FAM168B: variants seen among roughly 807,000 people sequenced by gnomAD.
FAM168B encodes myelin-associated neurite-outgrowth inhibitor.
In FAM168B, 19 loss-of-function variants were observed where a neutral mutation model predicts 21.8. That is an observed-to-expected ratio of 0.87 (90% confidence interval 0.61 to 1.28). FAM168B has a LOEUF of 1.28. Among genes scored for constraint, FAM168B ranks in the 50% most tolerant of loss-of-function variants. FAM168B has a pLI of 0.00. For missense variants in FAM168B, 233 were observed against 263.1 expected (o/e 0.89, Z 0.79); for synonymous variants, 126 against 104.8 (o/e 1.20, Z -1.24).
chr2:131,093,027 T>C (rs988794876), intron 1 of FAM168B, among the ~76,000 whole-genome samples, 187 bp downstream of exon 1: 5 of 151,360 alleles, frequency 3.3e-5, no homozygotes, highest in African/African-American at 7.3e-5. Flanking sequence ...CACGCGTACG[T>C]GTCCGGCCGA....
chr2:131,052,036 T>G lies in FAM168B; in HGVS notation c.*429A>C. ...CTTTAACACTTATAACTGTAAGACT[T>G]TGCATACATTACAACAGTGCATTAG... On this transcript the variant is annotated 3_prime_UTR_variant, in exon 7 of 7. Coordinates refer to ENST00000389915, the MANE Select transcript of FAM168B (RefSeq NM_001009993.4). 1 of 985,740 alleles carries G rather than the reference T, an allele frequency of 1.0e-6. No homozygotes were observed. Among genetic ancestry groups the G allele is most frequent in the Non-Finnish European group, 1.2e-6 (1 of 829,924 alleles). The allele number at this position is 985,740 out of a possible 1,614,324, so 61.1% of individuals were successfully genotyped here.
At chr2:131,086,692 C>T (rs893311481) in intron 1 of FAM168B, among the ~76,000 whole-genome samples, 1 of 152,146 alleles carries the variant, frequency 6.6e-6, no homozygotes, top group Non-Finnish European at 1.5e-5. Flanking sequence ...TGACAGCCAT[C>T]GTATTGGACA....
intron 2 of FAM168B, among the ~76,000 whole-genome samples, chr2:131,080,949 C>T (rs180777416): frequency 6.6e-6 from 1 of 152,192 alleles, no homozygotes; most frequent in East Asian, 2.0e-4. Flanking sequence ...GGATTACAGG[C>T]ATGAGCCACT....
chr2:131,085,303 A>T (rs913644607), intron 1 of FAM168B, among the ~76,000 whole-genome samples: 16 of 152,168 alleles, frequency 1.1e-4, no homozygotes, highest in Non-Finnish European at 1.9e-4. Context: ...TGTAATAAGT[A>T]ACAAAACACA....
intron 1 of FAM168B, among the ~76,000 whole-genome samples, chr2:131,087,502 A>G (rs1300525614): frequency 2.0e-5 from 3 of 152,236 alleles, no homozygotes; most frequent in Non-Finnish European, 4.4e-5. Flanking sequence ...ATTAAAGGGC[A>G]GCATTTCCAA....
intron 2 of FAM168B, among the ~76,000 whole-genome samples, chr2:131,074,264 G>A (rs1401971170): frequency 2.0e-5 from 3 of 152,108 alleles, no homozygotes; most frequent in Non-Finnish European, 2.9e-5. Context: ...AAGTAGCTGG[G>A]ATTTCGGGCA....
intron 2 of FAM168B, among the ~76,000 whole-genome samples, chr2:131,081,998 A>G (rs1173924149): frequency 2.0e-5 from 3 of 152,228 alleles, no homozygotes; most frequent in Admixed American, 2.0e-4. Context: ...ACCGAAGGGA[A>G]CAACCATTTG....
intron 3 of FAM168B, among the ~76,000 whole-genome samples, chr2:131,066,860 T>C (rs1445121351): frequency 6.6e-6 from 1 of 152,186 alleles, no homozygotes; most frequent in African/African-American, 2.4e-5. Context: ...TATTAGTTCA[T>C]TCTCATACTA....
At chr2:131,082,757 G>A (rs1693484393) in intron 1 of FAM168B, 100 bp from the exon 2 acceptor site, 3 of 703,690 alleles carry the variant, frequency 4.3e-6, no homozygotes, top group Admixed American at 3.0e-5. Flanking sequence ...CTTTCTCTAG[G>A]CTGCTATAAA....
chr2:131,050,334 T>C lies in FAM168B; in HGVS notation c.*2131A>G. On this transcript the variant is annotated 3_prime_UTR_variant, in exon 7 of 7. Transcript: ENST00000389915. ...TTGTGAGTATTTTATCCTAATCTAT[T>C]AGCACTCAATTGGGAAAAAAGACTT... 1.0e-6 allele frequency: 1 copy of C among 985,550 alleles called. No homozygotes were observed. The highest frequency in any genetic ancestry group is 1.2e-6 in the Non-Finnish European group (1 of 829,948). The allele number at this position is 985,550 out of a possible 1,614,324, so 61.1% of individuals were successfully genotyped here.
chr2:131,087,799 T>C (rs957983600), intron 1 of FAM168B, among the ~76,000 whole-genome samples: 1 of 152,098 alleles, frequency 6.6e-6, no homozygotes, highest in African/African-American at 2.4e-5. Context: ...CCAAGAGAAG[T>C]GAAAACACAT....
chr2:131,055,199 G>A, intron 5 of FAM168B, 73 bp downstream of exon 5: 1 of 1,359,298 alleles, frequency 7.4e-7, no homozygotes, highest in Non-Finnish European at 9.6e-7. Flanking sequence ...AAGGGTCAGA[G>A]GATTCGTGAG....
chr2:131,055,506 C>G (rs773206134), intron 4 of FAM168B, 47 bp downstream of exon 4: 1 of 1,599,128 alleles, frequency 6.3e-7, no homozygotes, highest in Non-Finnish European at 8.5e-7. Flanking sequence ...GATGAACGCC[C>G]AGGTGGTATC....
chr2:131,053,026 G>A lies in FAM168B; in HGVS notation c.476-11C>T, dbSNP rs942157086. On this transcript the variant is annotated splice_polypyrimidine_tract_variant and intron_variant, in intron 5 of 6. Transcript: ENST00000389915. Reference sequence around the variant, plus strand: ...CAGTCAGCAGGGTACCTGGAAGAAAGAGCAGCACATGACATGAGGCTGACC... The same window carrying A: ...CAGTCAGCAGGGTACCTGGAAGAAAAAGCAGCACATGACATGAGGCTGACC... 6.5e-6 allele frequency: 10 copies of A among 1,546,138 alleles called. No individual in the cohort carries two copies. The Admixed American group carries it at 1.2e-4, about 19-fold the overall frequency.
Position 131,055,715 on chromosome 2 carries a change from G to A in FAM168B, c.155-20C>T, listed in dbSNP as rs749546990. 1.9e-6 allele frequency: 3 copies of A among 1,611,758 alleles called. No individual in the cohort carries two copies. In the African/African-American group the frequency reaches 4.0e-5, roughly 22 times the overall value. On this transcript the variant is annotated intron_variant, in intron 3 of 6. Transcript: ENST00000389915. ...TGTAACCTGGAACAAAGAAGGCAAT[G>A]GCCTGAGTTCACCCAAGCCGGTCCA...
Position 131,049,004 on chromosome 2 carries a change from G to C in FAM168B, c.*3461C>G, listed in dbSNP as rs138951348. The C allele has an allele frequency of 6.2e-4, 613 of 985,572 alleles. 2 individuals are homozygous for C. In the African/African-American group the frequency reaches 9.4e-3, roughly 15 times the overall value. The allele number at this position is 985,572 out of a possible 1,614,324, so 61.1% of individuals were successfully genotyped here. ...CAAATGTTTAAAAAGGACAGGTGAA[G>C]TCTGGGTCTCCTTTTTTAAAGCAGA... On this transcript the variant is annotated 3_prime_UTR_variant, in exon 7 of 7. Coordinates refer to ENST00000389915, the MANE Select transcript of FAM168B (RefSeq NM_001009993.4).
At position 131,091,064 on chromosome 2, in the gene FAM168B, T is replaced by A. The variant is rs548772382; in HGVS notation, c.-12+2150A>T. Among the ~76,000 whole-genome samples, 3 of 152,342 alleles carry A rather than the reference T, an allele frequency of 2.0e-5. No homozygotes were observed. In the South Asian group the frequency reaches 6.2e-4, roughly 32 times the overall value. On this transcript the variant is annotated intron_variant, in intron 1 of 6. Coordinates refer to ENST00000389915, the MANE Select transcript of FAM168B (RefSeq NM_001009993.4). The stretch of plus-strand genomic sequence containing the variant: ...TTTTTAAAAAAGAAGCTGGATACGG[T>A]GGCTCACGCCTGTAATCCCAGCACT...
chr2:131,067,295 C>A (rs1323801612), intron 3 of FAM168B, among the ~76,000 whole-genome samples: 2 of 152,174 alleles, frequency 1.3e-5, no homozygotes, highest in African/African-American at 4.8e-5. Context: ...CATCTCATCA[C>A]AAGGGTCTCG....
At chr2:131,074,104 C>T (rs965607245) in intron 2 of FAM168B, among the ~76,000 whole-genome samples, 4 of 152,138 alleles carry the variant, frequency 2.6e-5, no homozygotes, top group Non-Finnish European at 5.9e-5. Flanking sequence ...GGAGGCATCA[C>T]TTGTGACAGC....
Sources: gnomAD v4.1 joint callset for allele counts (sites outside exome capture counted in the v4.1 genomes callset) on GRCh38, gnomAD v4.1.1 for gene constraint, MANE v1.5 for transcripts, NCBI Gene and HGNC (gene_info 2026-07-23, HGNC 2026-07-21) for gene names.